The following ARMC1 variants were observed in gnomAD, a reference collection of about 807,000 sequenced individuals.
The protein encoded by ARMC1 is armadillo repeat-containing protein 1.
In ARMC1, 16 loss-of-function variants were observed where a neutral mutation model predicts 31.4. That is an observed-to-expected ratio of 0.51 (90% CI 0.34 to 0.77). The LOEUF (loss-of-function observed/expected upper bound fraction) is 0.77. Ranked by LOEUF, ARMC1 falls within the 30% of genes least tolerant of loss-of-function variation. ARMC1 has a pLI of 0.01. For missense variants in ARMC1, 259 were observed against 347.5 expected, an observed-to-expected ratio of 0.75 and a Z score of 2.02; for synonymous variants, 114 against 118.9, an observed-to-expected ratio of 0.96 and a Z score of 0.27.
chr8:65,619,275 C>G (rs1231295630), intron 3 of ARMC1, among the ~76,000 whole-genome samples: 2 of 152,116 alleles, frequency 1.3e-5, no homozygotes, highest in Non-Finnish European at 2.9e-5. Context: ...TGATTCACCC[C>G]TGTAATCCCA....
In ARMC1 at chr8:65,625,298, T is replaced by C. The variant is rs532823919; in HGVS notation, c.183+1918A>G. Among the ~76,000 whole-genome samples, 51 of 152,284 alleles carry C rather than the reference T, an allele frequency of 3.3e-4. 1 individual carries two copies. Among genetic ancestry groups the C allele is most frequent in the Admixed American group, 2.9e-3 (45 of 15,284 alleles). On this transcript the variant is annotated intron_variant, in intron 2 of 6. Transcript: ENST00000276569. Reference sequence around the variant, plus strand: ...ATCCTAAACTCCCTTGCACAATCATTCTGCCCAACTTAACCTGGCCAAGTA... The same window carrying C: ...ATCCTAAACTCCCTTGCACAATCATCCTGCCCAACTTAACCTGGCCAAGTA...
At chr8:65,620,294 C>CTTTTT (rs755112362) in intron 3 of ARMC1, among the ~76,000 whole-genome samples, 40 of 90,150 alleles carry the variant, frequency 4.4e-4, no homozygotes, top group East Asian at 6.3e-4. Context: ...ATTATTATTA[C>CTTTTT]TTTTTTTTTT....
intron 1 of ARMC1, among the ~76,000 whole-genome samples, chr8:65,631,032 G>A (rs1301710619): frequency 6.6e-6 from 1 of 152,188 alleles, no homozygotes; most frequent in Non-Finnish European, 1.5e-5. Flanking sequence ...GTATAACAGA[G>A]GCAGAAACTG....
At position 65,604,299 on chromosome 8, in the gene ARMC1, T is replaced by C; in HGVS notation, c.*95A>G. 4.9e-6 allele frequency: 6 copies of C among 1,225,298 alleles called. No individual in the cohort carries two copies. Among genetic ancestry groups the C allele is most frequent in the Non-Finnish European group, 6.9e-6 (6 of 872,490 alleles). 75.9% of individuals were successfully genotyped at this position (1,225,298 alleles called of 1,614,324 possible). On this transcript the variant is annotated 3_prime_UTR_variant, in exon 7 of 7. Transcript: ENST00000276569. ...GATCGTGTAATCTAAAAACTTTTCA[T>C]GATAACTTATTGCAAATTGCACTTG... is the stretch of plus-strand genomic sequence containing the variant.
chr8:65,606,218 G>A (rs1479952532), intron 4 of ARMC1, among the ~76,000 whole-genome samples: 1 of 151,926 alleles, frequency 6.6e-6, no homozygotes, highest in African/African-American at 2.4e-5. Context: ...AAAATTAGCT[G>A]GGCATGGTGG....
intron 2 of ARMC1, among the ~76,000 whole-genome samples, chr8:65,625,484 C>T (rs1318894914): frequency 1.3e-5 from 2 of 152,266 alleles, no homozygotes; most frequent in South Asian, 2.1e-4. Context: ...ATTATGAGAG[C>T]CTTCCCCTCA....
chr8:65,622,721 A>AAG (rs1808419996), intron 2 of ARMC1, among the ~76,000 whole-genome samples: 3 of 151,576 alleles, frequency 2.0e-5, no homozygotes, highest in Non-Finnish European at 4.4e-5. Flanking sequence ...AAAAGAAAAA[A>AAG]AAAAGGTGGC....
At chr8:65,606,871 C>T (rs1005569221) in intron 4 of ARMC1, among the ~76,000 whole-genome samples, 1 of 152,202 alleles carries the variant, frequency 6.6e-6, no homozygotes, top group Non-Finnish European at 1.5e-5. Context: ...CATCTCAATA[C>T]AAGATCCAAA....
chr8:65,628,937 T>C (rs1466989626), intron 1 of ARMC1, among the ~76,000 whole-genome samples: 1 of 151,864 alleles, frequency 6.6e-6, no homozygotes, highest in Non-Finnish European at 1.5e-5. Context: ...GTGGATCACC[T>C]GATGTCAGGA....
intron 4 of ARMC1, among the ~76,000 whole-genome samples, chr8:65,610,165 T>C (rs570164190): frequency 6.6e-6 from 1 of 152,072 alleles, no homozygotes; most frequent in African/African-American, 2.4e-5. Flanking sequence ...TGGCGCAATC[T>C]CAGCTCACTG....
intron 3 of ARMC1, among the ~76,000 whole-genome samples, chr8:65,618,323 C>A (rs1297277849): frequency 6.6e-6 from 1 of 151,492 alleles, no homozygotes; most frequent in Admixed American, 6.6e-5. Context: ...GAGTCTGAGA[C>A]CATCCTGGCT....
intron 4 of ARMC1, among the ~76,000 whole-genome samples, chr8:65,611,687 A>C (rs1305338190): frequency 6.6e-6 from 1 of 151,852 alleles, no homozygotes; most frequent in Non-Finnish European, 1.5e-5. Flanking sequence ...ATGAATTTCC[A>C]CTTTAAACTT....
At chr8:65,611,634 A>G (rs1247801035) in intron 4 of ARMC1, among the ~76,000 whole-genome samples, 1 of 151,878 alleles carries the variant, frequency 6.6e-6, no homozygotes, top group African/African-American at 2.4e-5. Context: ...CTGACTTGAT[A>G]CCCTTTCTTT....
chr8:65,624,808 A>G lies in ARMC1; in HGVS notation c.183+2408T>C, dbSNP rs994436990. 2.6e-5 allele frequency among the ~76,000 whole-genome samples: 4 copies of G among 152,156 alleles called. No individual in the cohort carries two copies. In the East Asian group the frequency reaches 7.7e-4, roughly 29 times the overall value. On this transcript the variant is annotated intron_variant, in intron 2 of 6. Coordinates refer to ENST00000276569, the MANE Select transcript of ARMC1 (RefSeq NM_018120.6). ...ATACTAATAAGCTAACAGTGACGAA[A>G]AAAGGAAATCATAAAAACAACACAC...
intron 2 of ARMC1, 91 bp downstream of exon 2, chr8:65,627,125 G>A (rs773251534): frequency 2.8e-5 from 35 of 1,267,490 alleles, no homozygotes; most frequent in East Asian, 7.2e-5. Context: ...CTCTCTTTCC[G>A]TTTTTTTACC....
intron 1 of ARMC1, among the ~76,000 whole-genome samples, chr8:65,629,749 A>C (rs1808596454): frequency 6.7e-6 from 1 of 148,488 alleles, no homozygotes; most frequent in Admixed American, 6.8e-5. Flanking sequence ...CAGTGAGCCG[A>C]GATTGTACCA....
At chr8:65,609,584 C>T (rs979476278) in intron 4 of ARMC1, among the ~76,000 whole-genome samples, 2 of 152,104 alleles carry the variant, frequency 1.3e-5, no homozygotes, top group South Asian at 2.1e-4. Flanking sequence ...GTGGGCCAGG[C>T]GCCATGGCTC....
chr8:65,623,622 CA>C (rs1407031677), intron 2 of ARMC1, among the ~76,000 whole-genome samples: 1 of 150,824 alleles, frequency 6.6e-6, no homozygotes, highest in Non-Finnish European at 1.5e-5. Context: ...ACAAAACAAC[CA>C]AAAAAAACCA....
At chr8:65,632,616 ATAAT>A (rs1808670175) in intron 1 of ARMC1, among the ~76,000 whole-genome samples, 1 of 151,996 alleles carries the variant, frequency 6.6e-6, no homozygotes, top group Admixed American at 6.6e-5. Context: ...CCGTCTCAAA[ATAAT>A]AATAATAGTA....
Sources: allele counts gnomAD v4.1 joint callset (sites outside exome capture counted in the v4.1 genomes callset), GRCh38; gene constraint gnomAD v4.1.1; transcripts MANE v1.5; gene names NCBI Gene and HGNC (gene_info 2026-07-23, HGNC 2026-07-21).